CADPS2: variants seen among roughly 807,000 people sequenced by gnomAD.
CADPS2 encodes calcium dependent secretion activator 2.
A neutral mutation model predicts 172.5 loss-of-function variants in CADPS2; 93 were observed. That is an observed-to-expected ratio of 0.54 (90% CI 0.46 to 0.64). CADPS2 has a LOEUF of 0.64. CADPS2 is among the 30% of genes least tolerant of loss of function. The pLI, the probability that CADPS2 is intolerant of heterozygous loss-of-function variation, is 0.00. For synonymous variants in CADPS2, 546 were observed against 555.2 expected, an observed-to-expected ratio of 0.98 and a Z score of 0.23; for missense variants, 1,420 against 1,565.9, an observed-to-expected ratio of 0.91 and a Z score of 1.57.
chr7:122,353,512 C>G (rs1011466004), intron 27 of CADPS2, among the ~76,000 whole-genome samples: 6 of 152,084 alleles, frequency 3.9e-5, no homozygotes, highest in Non-Finnish European at 8.8e-5. Flanking sequence ...TTTATCGTAT[C>G]CTCCAAGTCT....
Position 122,579,464 on chromosome 7 carries a change from T to TATATATAC in CADPS2, c.1335+1714_1335+1715insGTATATAT, listed in dbSNP as rs1554638978. ...AAATTGCATCGAATATATATATATA[T>TATATATAC]ATATATATATATATATGTCACTTAT... On this transcript the variant is annotated intron_variant, in intron 7 of 29. Coordinates refer to ENST00000449022, the MANE Select transcript of CADPS2 (RefSeq NM_017954.11). Among the ~76,000 whole-genome samples the TATATATAC allele has an allele frequency of 1.1e-4, 16 of 146,548 alleles. 1 individual carries two copies. Among genetic ancestry groups the TATATATAC allele is most frequent in the South Asian group, 4.3e-4 (2 of 4,690 alleles).
intron 2 of CADPS2, among the ~76,000 whole-genome samples, chr7:122,696,243 C>A (rs1392076901): frequency 6.6e-6 from 1 of 152,082 alleles, no homozygotes; most frequent in African/African-American, 2.4e-5. Context: ...TGTGGTCCCT[C>A]GTCCCTCAGG....
rs373764661 is a variant in CADPS2, at chr7:122,325,463, C to A, written c.3717+14G>T. 1.3e-6 allele frequency: 2 copies of A among 1,548,310 alleles called. No homozygotes were observed. The highest frequency in any genetic ancestry group is 1.4e-5 in the African/African-American group (1 of 73,678). The stretch of plus-strand genomic sequence containing the variant: ...GCTTAGTGGGCAATTCATATCTAAA[C>A]ACATTTTGTTTACCTTCACAATCTT... On this transcript the variant is annotated intron_variant, in intron 29 of 29. Transcript: ENST00000449022.
At chr7:122,833,760 TA>T (rs1163187500) in intron 1 of CADPS2, among the ~76,000 whole-genome samples, 2 of 152,084 alleles carry the variant, frequency 1.3e-5, no homozygotes, top group African/African-American at 4.8e-5. Context: ...TCTTAAAAGG[TA>T]AAAGATAAGA....
At chr7:122,575,041 T>C (rs951265916) in intron 7 of CADPS2, among the ~76,000 whole-genome samples, 1 of 152,160 alleles carries the variant, frequency 6.6e-6, no homozygotes, top group African/African-American at 2.4e-5. Context: ...AGGTGGATGC[T>C]TGGCAAAGAT....
chr7:122,375,993 T>C (rs1042574819), intron 25 of CADPS2, among the ~76,000 whole-genome samples: 4 of 152,082 alleles, frequency 2.6e-5, no homozygotes, highest in African/African-American at 9.7e-5. Flanking sequence ...GAGCTTAACA[T>C]CACTAATCTT....
At chr7:122,652,870 T>C (rs970477376) in intron 3 of CADPS2, among the ~76,000 whole-genome samples, 1 of 152,210 alleles carries the variant, frequency 6.6e-6, no homozygotes, top group Non-Finnish European at 1.5e-5. Flanking sequence ...TAATTTCATA[T>C]CTTAACTATG....
rs1314924834 is a variant in CADPS2 at position 122,579,898 on chromosome 7, T to C, written c.1335+1281A>G. Among the ~76,000 whole-genome samples, 3 of 152,166 alleles carry C rather than the reference T, an allele frequency of 2.0e-5. No homozygotes were observed. The East Asian group carries it at 5.8e-4, about 30-fold the overall frequency. ...AGAGTCAAAATCTCTGGAGTGTAGA[T>C]ACAGACTTACAAATCCCTAGAAATA... is the stretch of plus-strand genomic sequence containing the variant. On this transcript the variant is annotated intron_variant, in intron 7 of 29. Coordinates refer to ENST00000449022, the MANE Select transcript of CADPS2 (RefSeq NM_017954.11).
At chr7:122,393,065 TA>T (rs370397056) in intron 22 of CADPS2, 130 bp downstream of exon 22, 49,609 of 847,252 alleles carry the variant, frequency 0.059, 21 homozygotes, top group South Asian at 0.074. Context: ...AAAACTCAAA[TA>T]AAAAAAAAAA....
intron 1 of CADPS2, among the ~76,000 whole-genome samples, chr7:122,820,542 G>GTTTTTTTTTTTTTTT (rs1286462243): frequency 8.5e-6 from 1 of 117,792 alleles, no homozygotes; most frequent in African/African-American, 3.6e-5. Flanking sequence ...TGACCTTACT[G>GTTTTTTTTTTTTTTT]TTTTTTGTTT....
intron 17 of CADPS2, 118 bp downstream of exon 17, chr7:122,438,223 A>T: frequency 7.7e-7 from 1 of 1,295,178 alleles, no homozygotes; most frequent in Admixed American, 1.9e-5. Flanking sequence ...TTAATGAGAC[A>T]TTTCCCTTTG....
At chr7:122,636,866 T>C (rs1414679769) in intron 3 of CADPS2, among the ~76,000 whole-genome samples, 3 of 152,130 alleles carry the variant, frequency 2.0e-5, no homozygotes, top group Non-Finnish European at 4.4e-5. Flanking sequence ...CAGAATTCTC[T>C]GTATTTCTTA....
At chr7:122,855,523 G>C (rs960459325) in intron 1 of CADPS2, among the ~76,000 whole-genome samples, 1 of 152,148 alleles carries the variant, frequency 6.6e-6, no homozygotes, top group East Asian at 1.9e-4. Context: ...ATTTGCCCAG[G>C]ATGGTAGGAT....
chr7:122,507,417 T>C (rs1456049545), intron 9 of CADPS2, among the ~76,000 whole-genome samples: 1 of 152,156 alleles, frequency 6.6e-6, no homozygotes, highest in African/African-American at 2.4e-5. Flanking sequence ...AGTTTATATA[T>C]TTATTTGAGG....
intron 1 of CADPS2, among the ~76,000 whole-genome samples, chr7:122,803,298 T>C (rs555733387): frequency 4.1e-4 from 63 of 152,338 alleles, no homozygotes; most frequent in African/African-American, 1.4e-3. Flanking sequence ...TTGCCAGCAT[T>C]TGTTCTGTAA....
At chr7:122,534,624 G>A (rs1254404373) in intron 8 of CADPS2, among the ~76,000 whole-genome samples, 1 of 151,988 alleles carries the variant, frequency 6.6e-6, no homozygotes, top group Non-Finnish European at 1.5e-5. Context: ...GTAAATTATT[G>A]AGTAAATATA....
At chr7:122,409,145 C>T (rs1290877299) in intron 19 of CADPS2, among the ~76,000 whole-genome samples, 6 of 152,198 alleles carry the variant, frequency 3.9e-5, no homozygotes, top group East Asian at 3.9e-4. Context: ...TATGACCTAA[C>T]GTAAAAACAC....
chr7:122,790,813 A>G (rs780881914), intron 1 of CADPS2, among the ~76,000 whole-genome samples: 1 of 152,024 alleles, frequency 6.6e-6, no homozygotes. Flanking sequence ...TTGAAAATTC[A>G]CAGTCATAAA....
intron 20 of CADPS2, among the ~76,000 whole-genome samples, chr7:122,405,638 C>T (rs1302997124): frequency 2.6e-5 from 4 of 151,348 alleles, no homozygotes; most frequent in Admixed American, 6.6e-5. Flanking sequence ...CCAGCCTGGG[C>T]GATGGAACAA....
Sources: allele counts gnomAD v4.1 joint callset (sites outside exome capture counted in the v4.1 genomes callset), GRCh38; gene constraint gnomAD v4.1.1; transcripts MANE v1.5; gene names NCBI Gene and HGNC (gene_info 2026-07-23, HGNC 2026-07-21).